CADM1: variants seen among roughly 807,000 people sequenced by gnomAD.
CADM1 encodes TSLC-1.
In CADM1, 15 loss-of-function variants were observed where a neutral mutation model predicts 53.1. That is an observed-to-expected ratio of 0.28 (90% CI 0.19 to 0.44). The LOEUF (loss-of-function observed/expected upper bound fraction) is 0.44. Among genes scored for constraint, CADM1 ranks in the 20% least tolerant of loss-of-function variants. The pLI, the probability that CADM1 is intolerant of heterozygous loss-of-function variation, is 1.00. For missense variants in CADM1, 434 were observed against 611.3 expected (o/e 0.71, Z 3.06); for synonymous variants, 281 against 243.0 (o/e 1.16, Z -1.45).
Position 115,176,083 on chromosome 11 carries a change from G to A in CADM1, c.*391C>T. ...CCAGCAGGCAAATTCCAAAATGGGA[G>A]ATTTTGGAAAAAATCCGAAATTGGG... On this transcript the variant is annotated 3_prime_UTR_variant, in exon 12 of 12. Coordinates refer to ENST00000331581, the MANE Select transcript of CADM1 (RefSeq NM_001301043.2). The A allele has an allele frequency of 9.3e-7, 1 of 1,078,672 alleles. No individual in the cohort carries two copies. Among genetic ancestry groups the A allele is most frequent in the Non-Finnish European group, 1.1e-6 (1 of 886,052 alleles). 66.8% of individuals were successfully genotyped at this position (1,078,672 alleles called of 1,614,324 possible).
intron 1 of CADM1, among the ~76,000 whole-genome samples, chr11:115,339,590 CTCT>C (rs1166579115): frequency 6.6e-6 from 1 of 152,112 alleles, no homozygotes; most frequent in African/African-American, 2.4e-5. Context: ...TACCTTCTGC[CTCT>C]TCACTAATTT....
At chr11:115,384,292 C>T (rs1278388697) in intron 1 of CADM1, among the ~76,000 whole-genome samples, 1 of 152,004 alleles carries the variant, frequency 6.6e-6, no homozygotes, top group African/African-American at 2.4e-5. Context: ...ACACTATAGC[C>T]GACTCATTAA....
Position 115,211,994 on chromosome 11 carries a change from C to T in CADM1, c.995-2337G>A, listed in dbSNP as rs138400394. Among the ~76,000 whole-genome samples the T allele has an allele frequency of 6.2e-4, 95 of 152,286 alleles. No individual in the cohort carries two copies. In the East Asian group the frequency reaches 6.8e-3, roughly 11 times the overall value. ...CACACACTTTCAATTATCTTTATCA[C>T]GACTGGGGCAACTGTTGTCCTTCAC... On this transcript the variant is annotated intron_variant, in intron 7 of 11. Coordinates refer to ENST00000331581, the MANE Select transcript of CADM1 (RefSeq NM_001301043.2).
chr11:115,476,653 T>TA (rs753407646), intron 1 of CADM1, among the ~76,000 whole-genome samples: 8 of 152,286 alleles, frequency 5.3e-5, no homozygotes, highest in Middle Eastern at 6.8e-3. Flanking sequence ...CATCACCGGA[T>TA]ACACAAACAG....
At chr11:115,478,961 A>G (rs1353952152) in intron 1 of CADM1, among the ~76,000 whole-genome samples, 3 of 152,096 alleles carry the variant, frequency 2.0e-5, no homozygotes, top group African/African-American at 7.2e-5. Context: ...ATTTTTTGCT[A>G]TTAAAATCTA....
At chr11:115,451,876 T>C (rs1317224192) in intron 1 of CADM1, among the ~76,000 whole-genome samples, 1 of 151,664 alleles carries the variant, frequency 6.6e-6, no homozygotes, top group African/African-American at 2.4e-5. Context: ...GCCAGTCCCC[T>C]AGAGAGTCCT....
chr11:115,377,140 G>A (rs985188645), intron 1 of CADM1: 1 of 152,142 alleles, frequency 6.6e-6, no homozygotes, highest in African/African-American at 2.4e-5. Context: ...CCGTGTCAGA[G>A]TTGTCCTTTG....
At chr11:115,402,300 A>G (rs1352359879) in intron 1 of CADM1, among the ~76,000 whole-genome samples, 2 of 152,178 alleles carry the variant, frequency 1.3e-5, no homozygotes, top group Non-Finnish European at 2.9e-5. Flanking sequence ...TAAGGTGGAC[A>G]GATCATGAGG....
At chr11:115,264,702 T>C (rs1191526380) in intron 1 of CADM1, among the ~76,000 whole-genome samples, 1 of 152,236 alleles carries the variant, frequency 6.6e-6, no homozygotes, top group Non-Finnish European at 1.5e-5. Flanking sequence ...AGCCTCCATT[T>C]TGTCATCTAT....
At chr11:115,317,714 G>A (rs1166767039) in intron 1 of CADM1, among the ~76,000 whole-genome samples, 4 of 152,168 alleles carry the variant, frequency 2.6e-5, no homozygotes, top group African/African-American at 7.2e-5. Context: ...CTGGCATGAA[G>A]CTGCAAGATG....
In CADM1 at chr11:115,176,112, G is replaced by C. The variant is rs1197388573; in HGVS notation, c.*362C>G. The C allele has an allele frequency of 9.1e-7, 1 of 1,098,514 alleles. No individual in the cohort carries two copies. Among genetic ancestry groups the C allele is most frequent in the Non-Finnish European group, 1.1e-6 (1 of 897,048 alleles). 68.0% of individuals were successfully genotyped at this position (1,098,514 alleles called of 1,614,324 possible). ...TTGGAAAAAATCCGAAATTGGGGTA[G>C]AGGGAGGAAATAAATGTGCACAAAG... On this transcript the variant is annotated 3_prime_UTR_variant, in exon 12 of 12. Transcript: ENST00000331581.
At chr11:115,448,301 G>A (rs1948497700) in intron 1 of CADM1, among the ~76,000 whole-genome samples, 1 of 152,036 alleles carries the variant, frequency 6.6e-6, no homozygotes, top group South Asian at 2.1e-4. Context: ...AATAAGTTAG[G>A]GAAAAGTGTG....
At chr11:115,294,397 T>C (rs558352630) in intron 1 of CADM1, among the ~76,000 whole-genome samples, 2 of 152,302 alleles carry the variant, frequency 1.3e-5, no homozygotes, top group East Asian at 1.9e-4. Context: ...AACTACTCTC[T>C]TGAAACAATT....
intron 1 of CADM1, among the ~76,000 whole-genome samples, chr11:115,351,344 GA>G (rs756845051): frequency 6.6e-6 from 1 of 152,122 alleles, no homozygotes; most frequent in Non-Finnish European, 1.5e-5. Context: ...ATCTGAAAAG[GA>G]AACGACAAAT....
intron 1 of CADM1, among the ~76,000 whole-genome samples, chr11:115,295,444 G>C (rs1374907540): frequency 7.0e-6 from 1 of 143,308 alleles, no homozygotes; most frequent in Non-Finnish European, 1.5e-5. Context: ...GGACTATTAG[G>C]ATCTCCCAGG....
chr11:115,218,265 T>G (rs1017631738), intron 5 of CADM1: 3 of 428,270 alleles, frequency 7.0e-6, no homozygotes, highest in African/African-American at 4.0e-5. Context: ...TACACTGAAG[T>G]TTATCTCCAA....
intron 1 of CADM1, among the ~76,000 whole-genome samples, chr11:115,296,552 T>C (rs1340170899): frequency 6.6e-6 from 1 of 152,176 alleles, no homozygotes; most frequent in African/African-American, 2.4e-5. Flanking sequence ...CAGGACACTC[T>C]TCAGGTTTCC....
At chr11:115,367,156 G>A (rs894186106) in intron 1 of CADM1, among the ~76,000 whole-genome samples, 9 of 152,368 alleles carry the variant, frequency 5.9e-5, no homozygotes, top group East Asian at 5.8e-4. Flanking sequence ...CGAGGCTGCA[G>A]TGAGCTATGA....
chr11:115,484,221 G>T (rs1039158829), intron 1 of CADM1, among the ~76,000 whole-genome samples: 1 of 152,154 alleles, frequency 6.6e-6, no homozygotes, highest in African/African-American at 2.4e-5. Flanking sequence ...ATGGGCTAAG[G>T]AACCATGCAC....
Sources: gnomAD v4.1 joint callset for allele counts (sites outside exome capture counted in the v4.1 genomes callset) on GRCh38, gnomAD v4.1.1 for gene constraint, MANE v1.5 for transcripts, NCBI Gene and HGNC (gene_info 2026-07-23, HGNC 2026-07-21) for gene names.